GUCA1B: variants seen among roughly 807,000 people sequenced by gnomAD.
GUCA1B encodes guanylyl cyclase-activating protein 2.
In GUCA1B, 22 loss-of-function variants were observed where a neutral mutation model predicts 24.2. The observed-to-expected ratio is 0.91, with a 90% CI of 0.65 to 1.30. GUCA1B has a LOEUF of 1.30. Among genes scored for constraint, GUCA1B ranks in the 50% most tolerant of loss-of-function variants. GUCA1B has a pLI of 0.00. For synonymous variants in GUCA1B, 100 were observed against 97.9 expected, an observed-to-expected ratio of 1.02 and a Z score of -0.13; for missense variants, 221 against 258.8, an observed-to-expected ratio of 0.85 and a Z score of 1.00.
rs1329096075 is a variant in GUCA1B, at chr6:42,194,743, C to A, written c.78G>T (p.Lys26Asn). Residue 26 changes from lysine to asparagine, a missense_variant, in exon 1 of 4, where the codon AAG becomes AAT. By Grantham distance (94) the Lys-to-Asn change is moderately conservative. Transcript: ENST00000230361. ...CGCTGGGGCACTCCATCACAAACTT[C>A]TTGTACCACTCCTGGAGCTCCGCCA... The part of the protein sequence containing the change: ...IDVAELQEWY[K>N]KFVMECPSGT... 1 of 1,612,702 alleles carries A rather than the reference C, an allele frequency of 6.2e-7. No individual in the cohort carries two copies.
intron 1 of GUCA1B, 55 bp downstream of exon 1, chr6:42,194,559 T>C: frequency 1.8e-6 from 2 of 1,107,264 alleles, no homozygotes; most frequent in South Asian, 1.2e-5. Flanking sequence ...AGGACACTTG[T>C]GGAGGAAGGC....
At chr6:42,189,142 C>T (rs140976158) in intron 1 of GUCA1B, among the ~76,000 whole-genome samples, 9 of 152,148 alleles carry the variant, frequency 5.9e-5, no homozygotes, top group Non-Finnish European at 1.2e-4. Flanking sequence ...TCCTTCAAGG[C>T]TGAGCTCAAG....
intron 1 of GUCA1B, among the ~76,000 whole-genome samples, chr6:42,190,361 A>ATTTTTTTT (rs143865611): frequency 1.1e-3 from 140 of 122,976 alleles, no homozygotes; most frequent in African/African-American, 4.3e-3. Flanking sequence ...GTCAACTTCC[A>ATTTTTTTT]TTTTTTTTTT....
chr6:42,184,386 C>T lies in GUCA1B; in HGVS notation c.*429G>A, dbSNP rs114573886. The T allele has an allele frequency of 0.015, 4,269 of 285,212 alleles. 68 individuals carry two copies. Among genetic ancestry groups the T allele is most frequent in the African/African-American group, 0.051 (2,345 of 45,956 alleles). 17.7% of individuals were successfully genotyped at this position (285,212 alleles called of 1,614,324 possible). A position where few individuals can be genotyped will look rare whatever the true frequency, so the allele number is the denominator to read the frequency against. On this transcript the variant is annotated 3_prime_UTR_variant, in exon 4 of 4. Transcript: ENST00000230361. ...GATTACAGGCGTGAGCCACCGTGCC[C>T]GGCAACTCCTGCCTTTTCTTCAGTC...
In GUCA1B at chr6:42,183,799, G is replaced by T. The variant is rs532891332; in HGVS notation, c.*1016C>A. ...GGAGTTGTGGAAGGTCCATACTGGG[G>T]GATATGGATGGAAAGAGAGGATTGT... is the stretch of plus-strand genomic sequence containing the variant. On this transcript the variant is annotated 3_prime_UTR_variant, in exon 4 of 4. Coordinates refer to ENST00000230361, the MANE Select transcript of GUCA1B (RefSeq NM_002098.6). Among the ~76,000 whole-genome samples, 1 of 152,282 alleles carries T rather than the reference G, an allele frequency of 6.6e-6. No homozygotes were observed. The highest frequency in any genetic ancestry group is 1.5e-5 in the Non-Finnish European group (1 of 68,022).
rs1389472640 is a variant in GUCA1B, at chr6:42,183,970, A to G, written c.*845T>C. On this transcript the variant is annotated 3_prime_UTR_variant, in exon 4 of 4. Transcript: ENST00000230361. ...TGCTGCCATTTTTCCTGTTGACACCACTGGTGAGGATGCCTTGGGGAGGAG... is the reference window on the plus strand; with the variant it reads ...TGCTGCCATTTTTCCTGTTGACACCGCTGGTGAGGATGCCTTGGGGAGGAG... 6.6e-6 allele frequency among the ~76,000 whole-genome samples: 1 copy of G among 152,074 alleles called. No individual in the cohort carries two copies. Among genetic ancestry groups the G allele is most frequent in the African/African-American group, 2.4e-5 (1 of 41,386 alleles).
rs115180990 is a variant in GUCA1B at position 42,183,689 on chromosome 6, T to C, written c.*1126A>G. Among the ~76,000 whole-genome samples, 2,185 of 152,262 alleles carry C rather than the reference T, an allele frequency of 0.014. 53 individuals carry two copies. Among genetic ancestry groups the C allele is most frequent in the African/African-American group, 0.05 (2,081 of 41,536 alleles). The stretch of plus-strand genomic sequence containing the variant: ...GTTAGAAGCCAAGCCCAGCCCACAA[T>C]CCCAGTCAACAGTCCCCCAATTCTT... On this transcript the variant is annotated 3_prime_UTR_variant, in exon 4 of 4. Transcript: ENST00000230361.
chr6:42,191,423 T>C (rs892918145), intron 1 of GUCA1B, among the ~76,000 whole-genome samples: 1 of 152,142 alleles, frequency 6.6e-6, no homozygotes, highest in Non-Finnish European at 1.5e-5. Context: ...TTGGATTTGC[T>C]TTAGAAATCT....
At chr6:42,186,631 C>T (rs1322257349) in intron 2 of GUCA1B, among the ~76,000 whole-genome samples, 2 of 151,642 alleles carry the variant, frequency 1.3e-5, no homozygotes, top group Admixed American at 6.6e-5. Context: ...CATGTAAATG[C>T]GGAAGAGATG....
rs1768143015 is a variant in GUCA1B at position 42,183,686 on chromosome 6, C to G, written c.*1129G>C. Among the ~76,000 whole-genome samples the G allele has an allele frequency of 6.6e-6, 1 of 152,212 alleles. No individual in the cohort carries two copies. The highest frequency in any genetic ancestry group is 1.5e-5 in the Non-Finnish European group (1 of 68,038). On this transcript the variant is annotated 3_prime_UTR_variant, in exon 4 of 4. Transcript: ENST00000230361. Reference sequence around the variant, plus strand: ...GCAGTTAGAAGCCAAGCCCAGCCCACAATCCCAGTCAACAGTCCCCCAATT... The same window carrying G: ...GCAGTTAGAAGCCAAGCCCAGCCCAGAATCCCAGTCAACAGTCCCCCAATT...
intron 2 of GUCA1B, 116 bp downstream of exon 2, chr6:42,188,466 C>T: frequency 2.4e-6 from 2 of 844,936 alleles, no homozygotes; most frequent in South Asian, 2.8e-5. Flanking sequence ...AGGAAACACA[C>T]TCAGAATGAT....
intron 2 of GUCA1B, among the ~76,000 whole-genome samples, chr6:42,186,910 A>G (rs1012859110): frequency 6.6e-6 from 1 of 152,194 alleles, no homozygotes; most frequent in Admixed American, 6.5e-5. Flanking sequence ...GGGTCTGGCT[A>G]ACCCAGGGAA....
chr6:42,188,886 T>TCTA (rs1768244098), intron 1 of GUCA1B, among the ~76,000 whole-genome samples, 155 bp from the exon 2 acceptor site: 1 of 116,430 alleles, frequency 8.6e-6, no homozygotes, highest in African/African-American at 4.9e-5. Context: ...GTAGAGAACA[T>TCTA]TCTATCTATC....
Position 42,184,748 on chromosome 6 carries a change from G to A in GUCA1B, c.*67C>T. 1 of 1,505,326 alleles carries A rather than the reference G, an allele frequency of 6.6e-7. No homozygotes were observed. The highest frequency in any genetic ancestry group is 9.2e-7 in the Non-Finnish European group (1 of 1,083,118). 93.2% of individuals were successfully genotyped at this position (1,505,326 alleles called of 1,614,324 possible). On this transcript the variant is annotated 3_prime_UTR_variant, in exon 4 of 4. Coordinates refer to ENST00000230361, the MANE Select transcript of GUCA1B (RefSeq NM_002098.6). ...GGAAGAGTGGGCATGAGCAGGCTGA[G>A]CCAGGGACCCTCCTACTACCCTGGA...
chr6:42,193,954 C>A (rs1408329545), intron 1 of GUCA1B, among the ~76,000 whole-genome samples: 2 of 152,148 alleles, frequency 1.3e-5, no homozygotes, highest in Non-Finnish European at 2.9e-5. Context: ...AAAATTCAAT[C>A]CCCTGGTGCA....
intron 1 of GUCA1B, among the ~76,000 whole-genome samples, chr6:42,190,116 T>G (rs537931598): frequency 1.1e-4 from 17 of 152,178 alleles, no homozygotes; most frequent in African/African-American, 3.1e-4. Context: ...CAGGAGAAAA[T>G]GGCAGAAAAT....
rs1041913053 is a variant in GUCA1B, at chr6:42,185,738, C to G, written c.417G>C (p.Leu139=). 6 of 1,613,570 alleles carry G rather than the reference C, an allele frequency of 3.7e-6. No homozygotes were observed. Among genetic ancestry groups the G allele is most frequent in the Non-Finnish European group, 5.1e-6 (6 of 1,179,624 alleles). Residue 139 remains leucine, a synonymous_variant, in exon 3 of 4, where the codon CTG becomes CTC. Coordinates refer to ENST00000230361, the MANE Select transcript of GUCA1B (RefSeq NM_002098.6). The part of the protein sequence containing the change: ...RRELQTEQGQ[L]LTPEEVVDRI... ...TGTCCACGACCTCCTCGGGTGTGAG[C>G]AGCTGGCCTTGCTCAGTTTGTAGCT... is the stretch of plus-strand genomic sequence containing the variant.
rs1461011966 is a variant in GUCA1B at position 42,194,918 on chromosome 6, G to A, written c.-98C>T. ...CTAGGGCCCTCTTCCTCCCTTTCCA[G>A]GAGGCCTGATCAGCCTCTCCATCAT... On this transcript the variant is annotated 5_prime_UTR_variant, in exon 1 of 4. Coordinates refer to ENST00000230361, the MANE Select transcript of GUCA1B (RefSeq NM_002098.6). The A allele has an allele frequency of 3.4e-6, 3 of 874,796 alleles. No individual in the cohort carries two copies. Among genetic ancestry groups the A allele is most frequent in the Non-Finnish European group, 3.7e-6 (2 of 542,098 alleles). 54.2% of individuals were successfully genotyped at this position (874,796 alleles called of 1,614,324 possible). A position where few individuals can be genotyped will look rare whatever the true frequency, so the allele number is the denominator to read the frequency against.
rs1457046993 is a variant in GUCA1B at position 42,194,843 on chromosome 6, G to A, written c.-23C>T. On this transcript the variant is annotated 5_prime_UTR_variant, in exon 1 of 4. Coordinates refer to ENST00000230361, the MANE Select transcript of GUCA1B (RefSeq NM_002098.6). ...CATGCTAGCCCTGAGGAGCATCAGG[G>A]AGCAAGGGTCTGTATCTCCTCCCTG... The A allele has an allele frequency of 6.6e-7, 1 of 1,520,672 alleles. No individual in the cohort carries two copies. Among genetic ancestry groups the A allele is most frequent in the East Asian group, 2.5e-5 (1 of 40,790 alleles). The allele number at this position is 1,520,672 out of a possible 1,614,324, so 94.2% of individuals were successfully genotyped here. A position where few individuals can be genotyped will look rare whatever the true frequency, so the allele number is the denominator to read the frequency against.
Sources: gnomAD v4.1 joint callset for allele counts (sites outside exome capture counted in the v4.1 genomes callset) on GRCh38, gnomAD v4.1.1 for gene constraint, MANE v1.5 for transcripts, NCBI Gene and HGNC (gene_info 2026-07-23, HGNC 2026-07-21) for gene names.